The following MMP12 variants were observed in gnomAD, a reference collection of about 807,000 sequenced individuals.
MMP12 encodes matrix metallopeptidase 12, also known as macrophage metalloelastase.
In MMP12, 51 loss-of-function variants were observed where a neutral mutation model predicts 45.2. The observed-to-expected ratio is 1.13, with a 90% CI of 0.90 to 1.42. The LOEUF (loss-of-function observed/expected upper bound fraction) is 1.42, where lower values mean the gene tolerates loss of function less well. Among genes scored for constraint, MMP12 ranks in the 40% most tolerant of loss-of-function variants. The probability of loss-of-function intolerance (pLI) is 0.00; values close to 1 mark genes in which losing one functional copy is unlikely to be tolerated. For synonymous variants in MMP12, 210 were observed against 193.3 expected, an observed-to-expected ratio of 1.09 and a Z score of -0.72; for missense variants, 530 against 570.8, an observed-to-expected ratio of 0.93 and a Z score of 0.73.
rs782266883 is a variant in MMP12, at chr11:102,871,879, T to C, written c.424A>G (p.Ser142Gly). 3 of 1,613,870 alleles carry C rather than the reference T, an allele frequency of 1.9e-6. No homozygotes were observed. The highest frequency in any genetic ancestry group is 8.5e-7 in the Non-Finnish European group (1 of 1,179,816). ...YAIRKAFQVW[S>G]NVTPLKFSKI... ...CTGAATTTCAAGGGGGTAACATTAC[T>C]CCATACTTGGAAAGCTTTCCGGATT... is the stretch of plus-strand genomic sequence containing the variant. The change falls in exon 3 of 10, where the codon AGT becomes GGT. Residue 142 changes from serine to glycine, a missense_variant. Coordinates refer to ENST00000571244, the MANE Select transcript of MMP12 (RefSeq NM_002426.6).
Position 102,864,204 on chromosome 11 carries a change from A to G in MMP12, c.1254T>C (p.Ile418=). 1 of 1,613,832 alleles carries G rather than the reference A, an allele frequency of 6.2e-7. No individual in the cohort carries two copies. The highest frequency in any genetic ancestry group is 8.5e-7 in the Non-Finnish European group (1 of 1,179,820). ...GCCCGATTCCTTGGAAGTTCTTGGT[A>G]ATCAGTTTGGGATAACCAGGGTCCA... is the stretch of plus-strand genomic sequence containing the variant. ...QMMDPGYPKL[I]TKNFQGIGPK... The change falls in exon 9 of 10, where the codon ATT becomes ATC. Residue 418 remains isoleucine, a synonymous_variant. Transcript: ENST00000571244.
chr11:102,868,509 A>G (rs1381783056), intron 4 of MMP12, among the ~76,000 whole-genome samples: 2 of 152,200 alleles, frequency 1.3e-5, no homozygotes, highest in African/African-American at 4.8e-5. Context: ...ACTCAATTCT[A>G]TTTTTAGTCT....
In MMP12 at chr11:102,871,862, C is replaced by T. The variant is rs188003361; in HGVS notation, c.441G>A (p.Leu147=). Residue 147 remains leucine (L), a synonymous_variant, in exon 3 of 10, where the codon TTG becomes TTA. Transcript: ENST00000571244. ...TGCCTGTGTTAATCTTGCTGAATTT[C>T]AAGGGGGTAACATTACTCCATACTT... ...AFQVWSNVTP[L]KFSKINTGMA... 5.6e-5 allele frequency: 91 copies of T among 1,613,610 alleles called. 2 individuals carry two copies. In the South Asian group the frequency reaches 8.9e-4, roughly 16 times the overall value.
At chr11:102,871,110 G>T (rs1417768539) in intron 4 of MMP12, among the ~76,000 whole-genome samples, 1 of 152,062 alleles carries the variant, frequency 6.6e-6, no homozygotes, top group Non-Finnish European at 1.5e-5. Context: ...CACACCTGTG[G>T]TCCTAGCTAC....
chr11:102,869,523 A>G (rs1259198786), intron 4 of MMP12, among the ~76,000 whole-genome samples: 1 of 152,114 alleles, frequency 6.6e-6, no homozygotes, highest in Non-Finnish European at 1.5e-5. Flanking sequence ...TGTACTTTTC[A>G]TCTCTGTACT....
At position 102,867,302 on chromosome 11, in the gene MMP12, G is replaced by T. The variant is rs571598878; in HGVS notation, c.879C>A (p.Thr293=). Reference sequence around the variant, plus strand: ...TGAAGAAAAAGATCTTATTTCCCACGGTAGTGACAGCATCAAAACTCAAAT... The same window carrying T: ...TGAAGAAAAAGATCTTATTTCCCACTGTAGTGACAGCATCAAAACTCAAAT... ...DPNLSFDAVT[T]VGNKIFFFKD... is the part of the protein sequence containing the mutation. The change falls in exon 6 of 10, where the codon ACC becomes ACA. Residue 293 remains threonine (T), a synonymous_variant. Transcript: ENST00000571244. The T allele has an allele frequency of 5.6e-6, 9 of 1,607,292 alleles. No individual in the cohort carries two copies. Among genetic ancestry groups the T allele is most frequent in the African/African-American group, 2.7e-5 (2 of 74,920 alleles).
intron 4 of MMP12, among the ~76,000 whole-genome samples, chr11:102,870,253 A>G (rs1555009177): frequency 1.3e-5 from 2 of 152,230 alleles, no homozygotes; most frequent in African/African-American, 4.8e-5. Context: ...AGATGAAGGA[A>G]TTACAATCCC....
At position 102,862,949 on chromosome 11, in the gene MMP12, T is replaced by C. The variant is rs201273309; in HGVS notation, c.*151A>G. 2.1e-6 allele frequency: 1 copy of C among 465,770 alleles called. No homozygotes were observed. Among genetic ancestry groups the C allele is most frequent in the Non-Finnish European group, 3.7e-6 (1 of 268,140 alleles). 28.9% of individuals were successfully genotyped at this position (465,770 alleles called of 1,614,324 possible). A position where few individuals can be genotyped will look rare whatever the true frequency, so the allele number is the denominator to read the frequency against. On this transcript the variant is annotated 3_prime_UTR_variant, in exon 10 of 10. Coordinates refer to ENST00000571244, the MANE Select transcript of MMP12 (RefSeq NM_002426.6). The stretch of plus-strand genomic sequence containing the variant: ...TAGAGTTTTCAAAATTGAAAAATAT[T>C]ATGTATTTTATATAATCATTACCTA...
intron 5 of MMP12, 21 bp downstream of exon 5, chr11:102,867,887 A>T (rs782560085): frequency 1.3e-6 from 2 of 1,597,380 alleles, no homozygotes; most frequent in Non-Finnish European, 1.7e-6. Flanking sequence ...ATATGGCAAA[A>T]TGATAAAGAA....
chr11:102,866,537 C>A (rs1411822568), intron 6 of MMP12, 89 bp from the exon 7 acceptor site: 3 of 1,356,418 alleles, frequency 2.2e-6, no homozygotes, highest in Non-Finnish European at 3.0e-6. Context: ...TGAAAAGACC[C>A]AATATTTCTT....
intron 6 of MMP12, among the ~76,000 whole-genome samples, chr11:102,867,043 C>T (rs782627226): frequency 7.2e-5 from 11 of 152,158 alleles, no homozygotes; most frequent in Non-Finnish European, 1.3e-4. Flanking sequence ...CAGATTCCTA[C>T]TGCAAATCGT....
intron 4 of MMP12, among the ~76,000 whole-genome samples, chr11:102,868,338 C>T (rs1555008919): frequency 6.6e-6 from 1 of 152,118 alleles, no homozygotes. Context: ...AAAAATGTCT[C>T]CAGACATTGT....
chr11:102,862,823 T>G lies in MMP12; in HGVS notation c.*277A>C. The G allele has an allele frequency of 4.4e-6, 1 of 229,536 alleles. No individual in the cohort carries two copies. Among genetic ancestry groups the G allele is most frequent in the South Asian group, 1.6e-4 (1 of 6,180 alleles). 14.2% of individuals were successfully genotyped at this position (229,536 alleles called of 1,614,324 possible). Reference sequence around the variant, plus strand: ...AGTATAATTTCTCAGTCCAAGGATGTTAGGAAGCAACTTACAGAGCATGCT... The same window carrying G: ...AGTATAATTTCTCAGTCCAAGGATGGTAGGAAGCAACTTACAGAGCATGCT... On this transcript the variant is annotated 3_prime_UTR_variant, in exon 10 of 10. Transcript: ENST00000571244.
At position 102,865,558 on chromosome 11, in the gene MMP12, A is replaced by T. The variant is rs1426639856; in HGVS notation, c.1205+218T>A. Among the ~76,000 whole-genome samples the T allele has an allele frequency of 2.8e-5, 4 of 143,480 alleles. No homozygotes were observed. Among genetic ancestry groups the T allele is most frequent in the African/African-American group, 9.8e-5 (4 of 40,612 alleles). 94.1% of individuals were successfully genotyped at this position (143,480 alleles called of 152,430 possible). ...ACATTTTATTTAGAGTGTTTTTTTA[A>T]AAAAAAACACACATTATCTACTATT... On this transcript the variant is annotated intron_variant, in intron 8 of 9. Coordinates refer to ENST00000571244, the MANE Select transcript of MMP12 (RefSeq NM_002426.6). This position sits in a 1 kb window ranked among gnomAD's most constrained non-coding sequence, Gnocchi z 4.1.
chr11:102,863,286 A>T lies in MMP12; in HGVS notation c.1313-86T>A, dbSNP rs1365322356. ...CAACAACACAAATCTCTTCTCATAG[A>T]TTATCTAGAATAGATGACCTATGGG... On this transcript the variant is annotated intron_variant, in intron 9 of 9. Transcript: ENST00000571244. 1.0e-5 allele frequency: 8 copies of T among 781,742 alleles called. No homozygotes were observed. The East Asian group carries it at 2.1e-4, about 20-fold the overall frequency. The allele number at this position is 781,742 out of a possible 1,614,324, so 48.4% of individuals were successfully genotyped here. A position where few individuals can be genotyped will look rare whatever the true frequency, so the allele number is the denominator to read the frequency against.
At chr11:102,868,787 G>A (rs959111361) in intron 4 of MMP12, among the ~76,000 whole-genome samples, 7 of 151,418 alleles carry the variant, frequency 4.6e-5, no homozygotes, top group Admixed American at 2.6e-4. Context: ...TAAAATTAAA[G>A]AGTCTATATG....
Position 102,865,816 on chromosome 11 carries a change from A to C in MMP12, c.1165T>G (p.Phe389Val), listed in dbSNP as rs1185206055. Residue 389 changes from phenylalanine (F) to valine (V), a missense_variant, in exon 8 of 10, where the codon TTT becomes GTT. Physicochemically the swap from Phe to Val is conservative, Grantham distance 50. Coordinates refer to ENST00000571244, the MANE Select transcript of MMP12 (RefSeq NM_002426.6). This position sits in a 1 kb window ranked among gnomAD's most constrained non-coding sequence, Gnocchi z 4.1. ...TCTACAAAGAAGTAGGTCCTATAAA[A>C]ACGTGGGTTAAAAACAGCTGCATCA... is the stretch of plus-strand genomic sequence containing the variant. ...KIDAAVFNPRFYRTYFFVDNQ... is the reference protein window; with the variant it reads ...KIDAAVFNPRVYRTYFFVDNQ... The C allele has an allele frequency of 9.9e-6, 16 of 1,612,498 alleles. No individual in the cohort carries two copies. The highest frequency in any genetic ancestry group is 1.6e-4 in the Middle Eastern group (1 of 6,078).
chr11:102,867,006 T>C (rs782377742), intron 6 of MMP12, among the ~76,000 whole-genome samples: 21 of 152,178 alleles, frequency 1.4e-4, no homozygotes, highest in East Asian at 1.9e-4. Context: ...GTCTGGCTTC[T>C]GTTTCTTATC....
Position 102,865,933 on chromosome 11 carries a change from C to A in MMP12, c.1048G>T (p.Asp350Tyr). 2 of 1,606,490 alleles carry A rather than the reference C, an allele frequency of 1.2e-6. No individual in the cohort carries two copies. Among genetic ancestry groups the A allele is most frequent in the South Asian group, 2.2e-5 (2 of 89,984 alleles). The change falls in exon 8 of 10, where the codon GAC (aspartate) becomes TAC (tyrosine). Residue 350 changes from aspartate (D) to tyrosine (Y), a missense_variant and splice_region_variant. Asp to Tyr is a radical substitution (Grantham distance 160). Transcript: ENST00000571244. The surrounding 1 kb of genome is among the most constrained non-coding windows in gnomAD (Gnocchi z 4.1). ...AAATTGCTAATTAACCAGTATTTGTCATCTGTGAAGACAAAGAAATAGGGT... is the reference window on the plus strand; with the variant it reads ...AAATTGCTAATTAACCAGTATTTGTAATCTGTGAAGACAAAGAAATAGGGT... ...ARNQVFLFKD[D>Y]KYWLISNLRP...
Sources: allele counts gnomAD v4.1 joint callset (sites outside exome capture counted in the v4.1 genomes callset), GRCh38; gene constraint gnomAD v4.1.1; non-coding constraint Gnocchi (gnomAD v3.1); transcripts MANE v1.5; gene names NCBI Gene and HGNC (gene_info 2026-07-23, HGNC 2026-07-21).